The following ATM variants were observed in gnomAD, a reference collection of about 807,000 sequenced individuals.
ATM encodes the protein ATM serine/threonine kinase.
ATM carries 308 observed loss-of-function variants against 387.0 expected under a neutral mutation model. The ratio of observed to expected loss-of-function variants is 0.80; its 90% CI spans 0.73 to 0.87. The LOEUF is 0.87. Ranked by LOEUF, ATM falls within the 40% of genes least tolerant of loss-of-function variation. The pLI is 0.00. For missense variants in ATM, 3,312 were observed against 3,560.9 expected (o/e 0.93, Z 1.78); for synonymous variants, 1,156 against 1,187.3 (o/e 0.97, Z 0.54).
rs2135392028 is a variant in ATM, at chr11:108,256,216, T to A, written c.2126T>A (p.Ile709Asn). 8.7e-6 allele frequency: 14 copies of A among 1,603,458 alleles called. No homozygotes were observed. Among genetic ancestry groups the A allele is most frequent in the Non-Finnish European group, 1.2e-5 (14 of 1,173,226 alleles). The change falls in exon 14 of 63, where the codon ATT (isoleucine) becomes AAT (asparagine). Residue 709 changes from isoleucine to asparagine, a missense_variant and splice_region_variant. Coordinates refer to ENST00000675843, the MANE Select transcript of ATM (RefSeq NM_000051.4). ...EQLLNNYSSE[I>N]TNSETLVRCS... is the part of the protein sequence containing the mutation. ...TTTTTATTTGTGGTTTACTTTAAGA[T>A]TACAAATTCAGAAACTCTTGTCCGG...
At chr11:108,339,950 A>T (rs760103830) in intron 56 of ATM, among the ~76,000 whole-genome samples, 18 of 152,188 alleles carry the variant, frequency 1.2e-4, no homozygotes, top group Non-Finnish European at 2.1e-4. Context: ...TTTATTCAAT[A>T]AATGTGAATT....
chr11:108,269,783 C>G (rs949825773), intron 18 of ATM, among the ~76,000 whole-genome samples: 1 of 152,180 alleles, frequency 6.6e-6, no homozygotes, highest in Non-Finnish European at 1.5e-5. Context: ...GGTGGAATCC[C>G]TGGTCATGTT....
chr11:108,224,018 A>C (rs2078616885), intron 1 of ATM: 1 of 152,282 alleles, frequency 6.6e-6, no homozygotes, highest in African/African-American at 2.4e-5. Context: ...TGAGCGGAAG[A>C]AGAGATATCA....
At chr11:108,291,006 C>T (rs182481222) in intron 29 of ATM, among the ~76,000 whole-genome samples, 2 of 151,870 alleles carry the variant, frequency 1.3e-5, no homozygotes, top group African/African-American at 4.8e-5. Flanking sequence ...GAGGCTGAGG[C>T]GGGTGGATCA....
Position 108,317,537 on chromosome 11 carries a change from TGA to T in ATM, c.6347+17_6347+18del. ...CTTCCGTCAGGTAAGAAATTTGACTTGATTTTTTTTTTTTTGCCTCTCTCCTC... is the reference window on the plus strand; with the variant it reads ...CTTCCGTCAGGTAAGAAATTTGACTTTTTTTTTTTTTTTGCCTCTCTCCTC... On this transcript the variant is annotated intron_variant, in intron 43 of 62. Coordinates refer to ENST00000675843, the MANE Select transcript of ATM (RefSeq NM_000051.4). 1 of 1,592,772 alleles carries T rather than the reference TGA, an allele frequency of 6.3e-7. No homozygotes were observed. The highest frequency in any genetic ancestry group is 8.5e-7 in the Non-Finnish European group (1 of 1,173,554).
At chr11:108,285,610 CTT>C (rs533744772) in intron 26 of ATM, among the ~76,000 whole-genome samples, 10 of 144,478 alleles carry the variant, frequency 6.9e-5, no homozygotes, top group Non-Finnish European at 1.1e-4. Context: ...TTCAAGGGAC[CTT>C]TTTTTTTTTT....
intron 57 of ATM, among the ~76,000 whole-genome samples, chr11:108,345,321 T>C (rs181352259): frequency 6.6e-6 from 1 of 152,310 alleles, no homozygotes; most frequent in Admixed American, 6.5e-5. Flanking sequence ...AAGAAGATGT[T>C]GGAGGATAGA....
chr11:108,306,085 C>T (rs1390207164), intron 37 of ATM, among the ~76,000 whole-genome samples: 2 of 152,198 alleles, frequency 1.3e-5, no homozygotes, highest in Non-Finnish European at 2.9e-5. Flanking sequence ...AGTTTTACTG[C>T]TACAACCTTC....
intron 56 of ATM, among the ~76,000 whole-genome samples, chr11:108,339,356 C>T (rs1359304031): frequency 6.6e-6 from 1 of 152,088 alleles, no homozygotes; most frequent in Non-Finnish European, 1.5e-5. Context: ...ATTTTTATTC[C>T]TTGTCATGCA....
intron 43 of ATM, among the ~76,000 whole-genome samples, chr11:108,319,063 G>C (rs1440250568): frequency 6.6e-6 from 1 of 151,966 alleles, no homozygotes; most frequent in Non-Finnish European, 1.5e-5. Flanking sequence ...TGTAGTCCCA[G>C]CTGCTTGGGA....
chr11:108,240,592 G>C (rs930372111), intron 5 of ATM, among the ~76,000 whole-genome samples: 2 of 152,178 alleles, frequency 1.3e-5, no homozygotes, highest in Non-Finnish European at 2.9e-5. Flanking sequence ...ACTGTAGGCA[G>C]CTGTAACACA....
Position 108,284,460 on chromosome 11 carries a change from T to A in ATM, c.3980T>A (p.Leu1327Ter), listed in dbSNP as rs587782192. The A allele has an allele frequency of 6.2e-7, 1 of 1,613,962 alleles. No homozygotes were observed. The highest frequency in any genetic ancestry group is 8.5e-7 in the Non-Finnish European group (1 of 1,179,896). Reference sequence around the variant, plus strand: ...TATGATATGCTTAAAAGTGAAAACTTATTGGGAAAACAGGTATGGCTTCAA... The same window carrying A: ...TATGATATGCTTAAAAGTGAAAACTAATTGGGAAAACAGGTATGGCTTCAA... ...KVYDMLKSEN[L>*]LGKQIDHLFI... Residue 1327 changes from leucine (L) to a stop codon, truncating the protein, a stop_gained, in exon 26 of 63, where the codon TTA becomes TAA. Coordinates refer to ENST00000675843, the MANE Select transcript of ATM (RefSeq NM_000051.4). LOFTEE classifies it high-confidence loss of function.
rs540428580 is a variant in ATM at position 108,368,400 on chromosome 11, T to C, written c.*2892T>C. On this transcript the variant is annotated 3_prime_UTR_variant, in exon 63 of 63. Coordinates refer to ENST00000675843, the MANE Select transcript of ATM (RefSeq NM_000051.4). Reference sequence around the variant, plus strand: ...AGTTAGATTTTGAAAATATTAATCATAGAATAGTTGTTGTATGCTAAGTCA... The same window carrying C: ...AGTTAGATTTTGAAAATATTAATCACAGAATAGTTGTTGTATGCTAAGTCA... 1 of 209,804 alleles carries C rather than the reference T, an allele frequency of 4.8e-6. No individual in the cohort carries two copies. The highest frequency in any genetic ancestry group is 1.9e-4 in the South Asian group (1 of 5,304). 13.0% of individuals were successfully genotyped at this position (209,804 alleles called of 1,614,324 possible).
In ATM at chr11:108,359,442, G is replaced by A. The variant is rs540500952; in HGVS notation, c.8850+4568G>A. On this transcript the variant is annotated intron_variant, in intron 61 of 62. Coordinates refer to ENST00000675843, the MANE Select transcript of ATM (RefSeq NM_000051.4). ...AATTGAACTCAGCTCTGCACCAAGC[G>A]GACCTAATAGACATCTACAGAACTC... Among the ~76,000 whole-genome samples, 1,204 of 151,904 alleles carry A rather than the reference G, an allele frequency of 7.9e-3. 8 individuals are homozygous for A. The highest frequency in any genetic ancestry group is 0.013 in the Non-Finnish European group (851 of 67,922).
intron 16 of ATM, among the ~76,000 whole-genome samples, chr11:108,266,503 G>T (rs1477777520): frequency 8.9e-6 from 1 of 112,446 alleles, no homozygotes; most frequent in Admixed American, 1.1e-4. Context: ...GGGGAGGGGG[G>T]AGGGATAGCA....
intron 61 of ATM, among the ~76,000 whole-genome samples, chr11:108,357,961 C>T (rs1179581274): frequency 4.0e-5 from 6 of 149,848 alleles, no homozygotes; most frequent in Non-Finnish European, 7.4e-5. Context: ...CTTTGACGAG[C>T]TGAGAGAAGA....
At chr11:108,351,857 A>G (rs2089239690) in intron 59 of ATM, among the ~76,000 whole-genome samples, 1 of 152,152 alleles carries the variant, frequency 6.6e-6, no homozygotes, top group Non-Finnish European at 1.5e-5. Context: ...CTGCTAGTCT[A>G]TATTTTCTAA....
intron 5 of ATM, among the ~76,000 whole-genome samples, chr11:108,238,442 A>C (rs2079406686): frequency 6.6e-6 from 1 of 152,170 alleles, no homozygotes. Context: ...ATGAGCCAAC[A>C]TGCCCAGCTG....
At position 108,289,613 on chromosome 11, in the gene ATM, G is replaced by T. The variant is rs1233637041; in HGVS notation, c.4248G>T (p.Gln1416His). ...EILSKSPDSY[Q>H]KILLAICEQA... Reference sequence around the variant, plus strand: ...TGTTTATTTTCTAGGATTCCTATCAGAAAATTCTTCTTGCCATATGTGAGC... The same window carrying T: ...TGTTTATTTTCTAGGATTCCTATCATAAAATTCTTCTTGCCATATGTGAGC... Residue 1416 changes from glutamine to histidine, a missense_variant, in exon 29 of 63, where the codon CAG becomes CAT. Physicochemically the swap from Gln to His is conservative, Grantham distance 24 (BLOSUM62 0). Transcript: ENST00000675843. 5 of 1,604,718 alleles carry T rather than the reference G, an allele frequency of 3.1e-6. No homozygotes were observed. Among genetic ancestry groups the T allele is most frequent in the South Asian group, 1.1e-5 (1 of 89,478 alleles).
Sources: gnomAD v4.1 joint callset for allele counts (sites outside exome capture counted in the v4.1 genomes callset) on GRCh38, gnomAD v4.1.1 for gene constraint, MANE v1.5 for transcripts, NCBI Gene and HGNC (gene_info 2026-07-23, HGNC 2026-07-21) for gene names.